TMEM39B: variants seen among roughly 807,000 people sequenced by gnomAD.
TMEM39B encodes the protein transmembrane protein 39B.
In TMEM39B, 23 loss-of-function variants were observed where a neutral mutation model predicts 52.2. That is an observed-to-expected ratio of 0.44 (90% CI 0.32 to 0.62). The LOEUF is 0.62. Ranked by LOEUF, TMEM39B falls within the 20% of genes least tolerant of loss-of-function variation. TMEM39B has a pLI of 0.06. For missense variants in TMEM39B, 547 were observed against 642.0 expected, an observed-to-expected ratio of 0.85 and a Z score of 1.60; for synonymous variants, 285 against 264.0, an observed-to-expected ratio of 1.08 and a Z score of -0.77.
intron 7 of TMEM39B, among the ~76,000 whole-genome samples, chr1:32,096,934 G>A (rs565004027): frequency 2.0e-5 from 3 of 151,890 alleles, no homozygotes; most frequent in South Asian, 4.2e-4. Context: ...CTCCCAAGTC[G>A]CTGGGATTAC....
At chr1:32,076,311 A>G (rs1639858665) in intron 3 of TMEM39B, 1 of 283,004 alleles carries the variant, frequency 3.5e-6, no homozygotes. Context: ...GGGTTTCACC[A>G]TGTTGGTCAG....
chr1:32,077,106 C>T, intron 4 of TMEM39B, 58 bp from the exon 5 acceptor site: 2 of 1,598,134 alleles, frequency 1.3e-6, no homozygotes, highest in South Asian at 2.3e-5. Context: ...GGGATTTGGG[C>T]ACAGCCCCTT....
At position 32,102,519 on chromosome 1, in the gene TMEM39B, C is replaced by G. The variant is rs1279747654; in HGVS notation, c.1325C>G (p.Ser442Cys). 6.2e-7 allele frequency: 1 copy of G among 1,614,060 alleles called. No homozygotes were observed. Among genetic ancestry groups the G allele is most frequent in the Non-Finnish European group, 8.5e-7 (1 of 1,180,048 alleles). The change falls in exon 9 of 9, where the codon TCC becomes TGC. Residue 442 changes from serine (S) to cysteine (C), a missense_variant. Physicochemically the swap from Ser to Cys is moderately radical, Grantham distance 112. Transcript: ENST00000336294. Reference protein sequence around the residue: ...VIVYQLYSLMSSEKWHQTISL... With the variant: ...VIVYQLYSLMCSEKWHQTISL... ...GTCTATCAGCTGTACTCCCTAATGTCCTCTGAAAAGTGGCACCAGACCATC... is the reference window on the plus strand; with the variant it reads ...GTCTATCAGCTGTACTCCCTAATGTGCTCTGAAAAGTGGCACCAGACCATC...
chr1:32,085,801 G>T (rs1382919793), intron 5 of TMEM39B, among the ~76,000 whole-genome samples: 4 of 151,920 alleles, frequency 2.6e-5, no homozygotes, highest in Admixed American at 2.6e-4. Context: ...CTTTTCACTG[G>T]GGTCAATTTT....
upstream of TMEM39B, among the ~76,000 whole-genome samples, chr1:32,072,661 C>T (rs1639687542): frequency 6.6e-6 from 1 of 152,226 alleles, no homozygotes; most frequent in Non-Finnish European, 1.5e-5. Flanking sequence ...ATGGTCCACC[C>T]CTAGGGGAGC....
At chr1:32,102,331 C>T in intron 8 of TMEM39B, 100 bp from the exon 9 acceptor site, 1 of 1,514,134 alleles carries the variant, frequency 6.6e-7, no homozygotes, top group African/African-American at 1.4e-5. Context: ...TGCATGGGGC[C>T]CCAGGAGGCT....
At chr1:32,082,481 GTCTC>G (rs1640145777) in intron 5 of TMEM39B, among the ~76,000 whole-genome samples, 1 of 151,866 alleles carries the variant, frequency 6.6e-6, no homozygotes, top group South Asian at 2.1e-4. Flanking sequence ...TTGAGATGGA[GTCTC>G]TCTCTGTCAC....
At chr1:32,097,811 A>AT (rs1394053577) in intron 7 of TMEM39B, among the ~76,000 whole-genome samples, 1 of 151,552 alleles carries the variant, frequency 6.6e-6, no homozygotes. Flanking sequence ...CACCTGGCTA[A>AT]TTTTTTGTAT....
intron 5 of TMEM39B, among the ~76,000 whole-genome samples, chr1:32,079,865 G>T (rs1195799180): frequency 6.6e-6 from 1 of 151,860 alleles, no homozygotes; most frequent in Non-Finnish European, 1.5e-5. Flanking sequence ...CAACTCCCGG[G>T]TTCAAGCAGT....
At position 32,102,824 on chromosome 1, in the gene TMEM39B, T is replaced by C; in HGVS notation, c.*151T>C. On this transcript the variant is annotated 3_prime_UTR_variant, in exon 9 of 9. Transcript: ENST00000336294. ...TGTTACGTACTGTTTCTTTGATAATTGATGTGATAAGGAAAAAAGTCCTAT... is the reference window on the plus strand; with the variant it reads ...TGTTACGTACTGTTTCTTTGATAATCGATGTGATAAGGAAAAAAGTCCTAT... 2 of 910,072 alleles carry C rather than the reference T, an allele frequency of 2.2e-6. No homozygotes were observed. The highest frequency in any genetic ancestry group is 3.0e-6 in the Non-Finnish European group (2 of 667,704). The allele number at this position is 910,072 out of a possible 1,614,324, so 56.4% of individuals were successfully genotyped here. A position where few individuals can be genotyped will look rare whatever the true frequency, so the allele number is the denominator to read the frequency against.
At chr1:32,099,920 G>A (rs1640954177) in intron 7 of TMEM39B, among the ~76,000 whole-genome samples, 1 of 152,150 alleles carries the variant, frequency 6.6e-6, no homozygotes, top group African/African-American at 2.4e-5. Flanking sequence ...GGTGGCAGAT[G>A]CCTGTAATCC....
intron 5 of TMEM39B, 142 bp downstream of exon 5, chr1:32,077,460 A>C (rs1557911579): frequency 2.8e-6 from 3 of 1,088,330 alleles, no homozygotes. Context: ...GATGACACTC[A>C]CTCACTGAGG....
At chr1:32,073,919 T>C (rs1391772208) in intron 1 of TMEM39B, 2 of 974,128 alleles carry the variant, frequency 2.1e-6, no homozygotes, top group Non-Finnish European at 1.2e-6. Context: ...TGTATGTATA[T>C]ATATTTTTTA....
At chr1:32,098,082 C>T (rs1185033971) in intron 7 of TMEM39B, among the ~76,000 whole-genome samples, 2 of 152,062 alleles carry the variant, frequency 1.3e-5, no homozygotes, top group East Asian at 3.9e-4. Flanking sequence ...CTGCAACCTC[C>T]ACCTTCCGGG....
intron 5 of TMEM39B, chr1:32,087,911 G>A (rs1640433963): frequency 6.7e-6 from 1 of 150,316 alleles, no homozygotes; most frequent in African/African-American, 2.4e-5. Context: ...GCCTCCCTAA[G>A]TGCTGGGATT....
chr1:32,081,878 C>T (rs1640113416), intron 5 of TMEM39B, among the ~76,000 whole-genome samples: 1 of 152,134 alleles, frequency 6.6e-6, no homozygotes, highest in Non-Finnish European at 1.5e-5. Flanking sequence ...ACCCAGTTTC[C>T]TTTCCAAGAG....
chr1:32,096,743 G>A (rs1355352497), intron 7 of TMEM39B, among the ~76,000 whole-genome samples: 4 of 151,932 alleles, frequency 2.6e-5, no homozygotes, highest in Non-Finnish European at 5.9e-5. Flanking sequence ...TTACAGGAGT[G>A]AGCCACTACA....
rs1639795623 is a variant in TMEM39B at position 32,075,065 on chromosome 1, G to A, written c.119G>A (p.Arg40His). 3 of 1,550,500 alleles carry A rather than the reference G, an allele frequency of 1.9e-6. No homozygotes were observed. Among genetic ancestry groups the A allele is most frequent in the African/African-American group, 1.4e-5 (1 of 73,004 alleles). ...HTSSASVTSV[R>H]SRTRSSSGTG... ...TCCAGTGCATCGGTGACCAGTGTTCGTTCCCGCACCAGGTAAACCACCTCT... is the reference window on the plus strand; with the variant it reads ...TCCAGTGCATCGGTGACCAGTGTTCATTCCCGCACCAGGTAAACCACCTCT... The change falls in exon 2 of 9, where the codon CGT becomes CAT. Residue 40 changes from arginine (R) to histidine (H), a missense_variant. Arg to His is a conservative substitution (Grantham distance 29). Transcript: ENST00000336294.
intron 5 of TMEM39B, among the ~76,000 whole-genome samples, chr1:32,081,211 T>TTTGC (rs1473117058): frequency 6.6e-6 from 1 of 151,956 alleles, no homozygotes; most frequent in East Asian, 1.9e-4. Flanking sequence ...TGTTTGTTTG[T>TTTGC]TTGTTTACAG....
Sources: allele counts gnomAD v4.1 joint callset (sites outside exome capture counted in the v4.1 genomes callset), GRCh38; gene constraint gnomAD v4.1.1; transcripts MANE v1.5; gene names NCBI Gene and HGNC (gene_info 2026-07-23, HGNC 2026-07-21).